Variants in COPB2 observed in about 807,000 individuals in gnomAD.
COPB2 encodes the protein coat protein complex I subunit beta 2.
COPB2 carries 16 observed loss-of-function variants against 120.8 expected under a neutral mutation model. The ratio of observed to expected loss-of-function variants is 0.13; its 90% CI spans 0.09 to 0.20. The LOEUF is 0.20. COPB2 is among the 10% of genes least tolerant of loss of function. The probability of loss-of-function intolerance (pLI) is 1.00; values close to 1 mark genes in which losing one functional copy is unlikely to be tolerated. For synonymous variants in COPB2, 332 were observed against 366.3 expected, an observed-to-expected ratio of 0.91 and a Z score of 1.07; for missense variants, 794 against 1,076.5, an observed-to-expected ratio of 0.74 and a Z score of 3.67.
chr3:139,377,230 G>A (rs1251756971), intron 5 of COPB2, among the ~76,000 whole-genome samples: 1 of 147,292 alleles, frequency 6.8e-6, no homozygotes, highest in African/African-American at 2.4e-5. Context: ...TTCCAAAAAC[G>A]TGTAATAATA....
Position 139,366,406 on chromosome 3 carries a change from G to C in COPB2, c.1884+162C>G, listed in dbSNP as rs568995406. On this transcript the variant is annotated intron_variant, in intron 15 of 21. Transcript: ENST00000333188. ...AAAGGAGAAGGAAGAGTGTAAGAAG[G>C]GTGTATCATGTGCTGTAATAAGTGC... Among the ~76,000 whole-genome samples, 173 of 152,110 alleles carry C rather than the reference G, an allele frequency of 1.1e-3. 1 individual carries two copies. Among genetic ancestry groups the C allele is most frequent in the African/African-American group, 4.1e-3 (170 of 41,478 alleles).
At chr3:139,368,537 A>C (rs1024005490) in intron 12 of COPB2, among the ~76,000 whole-genome samples, 5 of 152,232 alleles carry the variant, frequency 3.3e-5, no homozygotes, top group African/African-American at 7.2e-5. Context: ...TGTGCTACAC[A>C]GAGGACCAGT....
intron 13 of COPB2, among the ~76,000 whole-genome samples, chr3:139,367,752 A>G (rs552271292): frequency 6.6e-6 from 1 of 152,214 alleles, no homozygotes; most frequent in Non-Finnish European, 1.5e-5. Context: ...ATACTGATCT[A>G]AACTTAGACC....
At position 139,383,452 on chromosome 3, in the gene COPB2, A is replaced by C. The variant is rs199929384; in HGVS notation, c.4-17T>G. ...TCGCAGAGGCTAAAAAGAAACATTA[A>C]AAAAATTAAATTGCTAAGCCAAATA... On this transcript the variant is annotated splice_polypyrimidine_tract_variant and intron_variant, in intron 1 of 21. Transcript: ENST00000333188. 6.5e-7 allele frequency: 1 copy of C among 1,527,732 alleles called. No homozygotes were observed. Among genetic ancestry groups the C allele is most frequent in the East Asian group, 2.3e-5 (1 of 43,460 alleles). The allele number at this position is 1,527,732 out of a possible 1,614,324, so 94.6% of individuals were successfully genotyped here.
chr3:139,369,249 G>C lies in COPB2; in HGVS notation c.1401+12C>G. On this transcript the variant is annotated intron_variant, in intron 12 of 21. Transcript: ENST00000333188. ...TAAATATTCCAAAAACAACAATGGA[G>C]GGGAAACTCACATGTTTGGGCTGAA... is the stretch of plus-strand genomic sequence containing the variant. 1 of 1,593,868 alleles carries C rather than the reference G, an allele frequency of 6.3e-7. No individual in the cohort carries two copies. Among genetic ancestry groups the C allele is most frequent in the South Asian group, 1.1e-5 (1 of 88,496 alleles).
At chr3:139,386,957 G>A (rs1440516878) in intron 1 of COPB2, among the ~76,000 whole-genome samples, 1 of 151,650 alleles carries the variant, frequency 6.6e-6, no homozygotes, top group African/African-American at 2.4e-5. Context: ...TCAGTACTTT[G>A]GGAAGCTGAG....
At chr3:139,389,354 C>A in intron 1 of COPB2, 194 bp downstream of exon 1, 1 of 913,590 alleles carries the variant, frequency 1.1e-6, no homozygotes, top group South Asian at 4.4e-5. Flanking sequence ...CTTTGCCTCC[C>A]CAAATCACCC....
intron 9 of COPB2, among the ~76,000 whole-genome samples, 184 bp downstream of exon 9, chr3:139,373,029 T>C (rs908773900): frequency 2.0e-5 from 3 of 152,184 alleles, no homozygotes; most frequent in African/African-American, 4.8e-5. Context: ...ACATGCTCCA[T>C]CTTTTGTGCC....
chr3:139,357,553 C>A lies in COPB2; in HGVS notation c.*310G>T, dbSNP rs752368103. 26 of 226,060 alleles carry A rather than the reference C, an allele frequency of 1.2e-4. No homozygotes were observed. Among genetic ancestry groups the A allele is most frequent in the Non-Finnish European group, 2.1e-4 (25 of 117,678 alleles). 14.0% of individuals were successfully genotyped at this position (226,060 alleles called of 1,614,324 possible). A position where few individuals can be genotyped will look rare whatever the true frequency, so the allele number is the denominator to read the frequency against. On this transcript the variant is annotated 3_prime_UTR_variant, in exon 22 of 22. Transcript: ENST00000333188. Reference sequence around the variant, plus strand: ...CGGCTCAGCCTTCTAAAACTAGAAGCCTATTTTCATTATTGAGAAAGGAAA... The same window carrying A: ...CGGCTCAGCCTTCTAAAACTAGAAGACTATTTTCATTATTGAGAAAGGAAA...
intron 5 of COPB2, among the ~76,000 whole-genome samples, chr3:139,376,759 T>A (rs1031047086): frequency 5.3e-5 from 8 of 152,240 alleles, no homozygotes; most frequent in African/African-American, 7.2e-5. Flanking sequence ...TTAATTTATT[T>A]ATTTATTTGA....
intron 15 of COPB2, among the ~76,000 whole-genome samples, chr3:139,365,856 T>C (rs1941505579): frequency 6.6e-6 from 1 of 152,312 alleles, no homozygotes; most frequent in African/African-American, 2.4e-5. Flanking sequence ...AGTGATTACA[T>C]AGCCATAATA....
At chr3:139,373,119 A>C in intron 9 of COPB2, 94 bp downstream of exon 9, 3 of 1,237,558 alleles carry the variant, frequency 2.4e-6, no homozygotes, top group Non-Finnish European at 3.6e-6. Context: ...AGGAATGATT[A>C]GAGATGCCAA....
chr3:139,388,541 T>A (rs1380134908), intron 1 of COPB2, among the ~76,000 whole-genome samples: 7 of 151,664 alleles, frequency 4.6e-5, no homozygotes, highest in Non-Finnish European at 5.9e-5. Flanking sequence ...AAACATAATT[T>A]AAAAAAATTT....
At chr3:139,360,374 C>T (rs190685518) in intron 17 of COPB2, among the ~76,000 whole-genome samples, 5 of 151,714 alleles carry the variant, frequency 3.3e-5, no homozygotes, top group East Asian at 1.9e-4. Flanking sequence ...AAACACAAGC[C>T]GGGTGTGGTG....
At chr3:139,385,774 T>C (rs1374406626) in intron 1 of COPB2, among the ~76,000 whole-genome samples, 1 of 152,204 alleles carries the variant, frequency 6.6e-6, no homozygotes, top group African/African-American at 2.4e-5. Flanking sequence ...AAAAATGCCA[T>C]TATAGGAGAA....
In COPB2 at chr3:139,361,158, C is replaced by G; in HGVS notation, c.2133G>C (p.Met711Ile). 1 of 1,614,200 alleles carries G rather than the reference C, an allele frequency of 6.2e-7. No homozygotes were observed. The highest frequency in any genetic ancestry group is 8.5e-7 in the Non-Finnish European group (1 of 1,180,034). ...CCGCACCCTCTGCTAGCTTGTTCACCATATTAGCATTTCCAGAGGCAGTGG... is the reference window on the plus strand; with the variant it reads ...CCGCACCCTCTGCTAGCTTGTTCACGATATTAGCATTTCCAGAGGCAGTGG... ...LLATASGNANMVNKLAEGAER... is the reference protein window; with the variant it reads ...LLATASGNANIVNKLAEGAER... Residue 711 changes from methionine (M) to isoleucine (I), a missense_variant, in exon 17 of 22, where the codon ATG becomes ATC. Around this residue, in one of 3 missense-constraint regions of COPB2, gnomAD observed 610 missense variants for 866.7 expected, o/e 0.70. Transcript: ENST00000333188.
chr3:139,376,804 C>T (rs1413265149), intron 5 of COPB2, among the ~76,000 whole-genome samples: 6 of 152,334 alleles, frequency 3.9e-5, no homozygotes, highest in Middle Eastern at 3.4e-3. Context: ...AGTTGGAGCG[C>T]AGTGGCGCAA....
At chr3:139,359,475 C>T (rs1941369064) in intron 17 of COPB2, 113 bp from the exon 18 acceptor site, 1 of 844,346 alleles carries the variant, frequency 1.2e-6, no homozygotes, top group Non-Finnish European at 1.9e-6. Context: ...AATCTTCACA[C>T]ATATATCTCA....
In COPB2 at chr3:139,366,543, A is replaced by G. The variant is rs1187103363; in HGVS notation, c.1884+25T>C. Reference sequence around the variant, plus strand: ...TTCAAATTGCAAGTTTTAAAAAACAAAAAGAAAAAAACAAAACCTCTTACC... The same window carrying G: ...TTCAAATTGCAAGTTTTAAAAAACAGAAAGAAAAAAACAAAACCTCTTACC... On this transcript the variant is annotated intron_variant, in intron 15 of 21. Coordinates refer to ENST00000333188, the MANE Select transcript of COPB2 (RefSeq NM_004766.3). The G allele has an allele frequency of 3.2e-6, 5 of 1,561,452 alleles. No individual in the cohort carries two copies. The East Asian group carries it at 1.1e-4, about 35-fold the overall frequency.
Sources: gnomAD v4.1 joint callset for allele counts (sites outside exome capture counted in the v4.1 genomes callset) on GRCh38, gnomAD v4.1.1 for gene constraint, gnomAD v4.1.1 regional missense constraint, MANE v1.5 for transcripts, NCBI Gene and HGNC (gene_info 2026-07-23, HGNC 2026-07-21) for gene names.